Variants in GALNTL6 observed in about 807,000 individuals in gnomAD.
The protein encoded by GALNTL6 is polypeptide N-acetylgalactosaminyltransferase like 6.
GALNTL6 carries 46 observed loss-of-function variants against 73.7 expected under a neutral mutation model. That is an observed-to-expected ratio of 0.62 (90% CI 0.49 to 0.80). The LOEUF is 0.80. Ranked by LOEUF, GALNTL6 falls within the 30% of genes least tolerant of loss-of-function variation. The pLI is 0.00. For synonymous variants in GALNTL6, 259 were observed against 263.7 expected (o/e 0.98, Z 0.17); for missense variants, 604 against 755.0 (o/e 0.80, Z 2.34).
At chr4:171,999,961 T>G (rs960668102) in intron 2 of GALNTL6, among the ~76,000 whole-genome samples, 2 of 152,158 alleles carry the variant, frequency 1.3e-5, no homozygotes, top group Non-Finnish European at 1.5e-5. Context: ...AATATGACAA[T>G]TTGTTTATGG....
rs565646049 is a variant in GALNTL6, at chr4:172,833,950, A to C, written c.923+20227A>C. 2.1e-3 allele frequency among the ~76,000 whole-genome samples: 316 copies of C among 152,308 alleles called. 1 individual carries two copies. Among genetic ancestry groups the C allele is most frequent in the African/African-American group, 7.5e-3 (313 of 41,552 alleles). ...GCCAACATGGTAAAACCCCGTCTCT[A>C]CTAAAAATACAACAAAAATAGCTGA... is the stretch of plus-strand genomic sequence containing the variant. On this transcript the variant is annotated intron_variant, in intron 7 of 12. Transcript: ENST00000506823.
intron 5 of GALNTL6, among the ~76,000 whole-genome samples, chr4:172,665,862 A>C (rs1475246428): frequency 1.3e-5 from 2 of 152,134 alleles, no homozygotes; most frequent in African/African-American, 2.4e-5. Flanking sequence ...TTTATTCCTC[A>C]TCACCATAAA....
At chr4:172,731,375 A>G (rs1251376890) in intron 5 of GALNTL6, among the ~76,000 whole-genome samples, 19 of 151,898 alleles carry the variant, frequency 1.3e-4, no homozygotes. Context: ...GATTCTTTGT[A>G]TTTCTGAGGT....
At chr4:171,922,662 G>A (rs1004841791) in intron 2 of GALNTL6, among the ~76,000 whole-genome samples, 4 of 151,910 alleles carry the variant, frequency 2.6e-5, no homozygotes, top group Non-Finnish European at 4.4e-5. Context: ...GGTAGTTTAA[G>A]GGACTCACTA....
At chr4:172,910,444 T>C (rs558944033) in intron 8 of GALNTL6, among the ~76,000 whole-genome samples, 3 of 152,344 alleles carry the variant, frequency 2.0e-5, no homozygotes, top group African/African-American at 7.2e-5. Context: ...GAATGGGCTG[T>C]GCTATTTCCT....
At chr4:172,972,445 C>T (rs773831152) in intron 10 of GALNTL6, among the ~76,000 whole-genome samples, 4 of 152,160 alleles carry the variant, frequency 2.6e-5, no homozygotes, top group Non-Finnish European at 5.9e-5. Context: ...GAAACAAATA[C>T]CCTACAATCT....
intron 2 of GALNTL6, among the ~76,000 whole-genome samples, chr4:171,857,957 A>G (rs970828611): frequency 6.6e-6 from 1 of 152,194 alleles, no homozygotes; most frequent in Admixed American, 6.5e-5. Flanking sequence ...AACCTGCTCA[A>G]TAATAATCAC....
intron 5 of GALNTL6, among the ~76,000 whole-genome samples, chr4:172,745,473 T>C (rs1368390096): frequency 7.0e-6 from 1 of 142,840 alleles, no homozygotes; most frequent in Non-Finnish European, 1.5e-5. Context: ...ATTAGAAAAA[T>C]AAGCCATAAA....
intron 5 of GALNTL6, among the ~76,000 whole-genome samples, chr4:172,744,194 A>C (rs897681716): frequency 6.6e-6 from 1 of 152,120 alleles, no homozygotes; most frequent in East Asian, 1.9e-4. Context: ...TTAACATTCC[A>C]TTTACCATCT....
Position 172,427,166 on chromosome 4 carries a change from C to T in GALNTL6, c.553+78477C>T, listed in dbSNP as rs376333983. Reference sequence around the variant, plus strand: ...GACAGAAAGGAATTAGTCTGCTTCACGCTGCTCATAAAGACATACCCAAGA... The same window carrying T: ...GACAGAAAGGAATTAGTCTGCTTCATGCTGCTCATAAAGACATACCCAAGA... On this transcript the variant is annotated intron_variant, in intron 5 of 12. Coordinates refer to ENST00000506823, the MANE Select transcript of GALNTL6 (RefSeq NM_001034845.3). Among the ~76,000 whole-genome samples the T allele has an allele frequency of 8.5e-5, 13 of 152,126 alleles. No individual in the cohort carries two copies. In the East Asian group the frequency reaches 2.1e-3, roughly 25 times the overall value.
At chr4:172,652,357 A>G (rs1435774570) in intron 5 of GALNTL6, among the ~76,000 whole-genome samples, 1 of 152,196 alleles carries the variant, frequency 6.6e-6, no homozygotes, top group African/African-American at 2.4e-5. Context: ...AGGATGGAAT[A>G]TTTTACTGAG....
chr4:172,365,695 G>A (rs756866173), intron 5 of GALNTL6, among the ~76,000 whole-genome samples: 1 of 148,620 alleles, frequency 6.7e-6, no homozygotes, highest in Non-Finnish European at 1.5e-5. Flanking sequence ...CAAACCTAAT[G>A]TGGGAAATCT....
At position 172,376,390 on chromosome 4, in the gene GALNTL6, A is replaced by T. The variant is rs543252427; in HGVS notation, c.553+27701A>T. The stretch of plus-strand genomic sequence containing the variant: ...GAGTTCTGCTCATGGCCGCATGGTC[A>T]ACCAACTTGTTGTCGGCACCCCGGA... On this transcript the variant is annotated intron_variant, in intron 5 of 12. Coordinates refer to ENST00000506823, the MANE Select transcript of GALNTL6 (RefSeq NM_001034845.3). Among the ~76,000 whole-genome samples the T allele has an allele frequency of 9.9e-5, 15 of 152,240 alleles. No homozygotes were observed. The East Asian group carries it at 2.9e-3, about 30-fold the overall frequency.
intron 5 of GALNTL6, among the ~76,000 whole-genome samples, chr4:172,718,751 G>T (rs368169355): frequency 2.6e-5 from 4 of 151,752 alleles, no homozygotes; most frequent in African/African-American, 9.7e-5. Flanking sequence ...GTTCAAAATG[G>T]TGCATCAGAA....
intron 2 of GALNTL6, among the ~76,000 whole-genome samples, chr4:171,832,884 C>T (rs577764956): frequency 6.6e-6 from 1 of 151,932 alleles, no homozygotes; most frequent in African/African-American, 2.4e-5. Flanking sequence ...ATTCAATAAG[C>T]TTCCAAGTCC....
intron 2 of GALNTL6, among the ~76,000 whole-genome samples, chr4:172,011,488 T>A (rs981724362): frequency 2.0e-5 from 3 of 152,160 alleles, no homozygotes; most frequent in African/African-American, 7.2e-5. Flanking sequence ...TTGCTTCTTA[T>A]TTCAGTAATC....
chr4:171,866,608 G>A (rs1176736194), intron 2 of GALNTL6, among the ~76,000 whole-genome samples: 1 of 152,158 alleles, frequency 6.6e-6, no homozygotes, highest in Non-Finnish European at 1.5e-5. Context: ...CTGTAACAAA[G>A]TACCATAGAC....
At chr4:171,932,157 T>C (rs1430271907) in intron 2 of GALNTL6, among the ~76,000 whole-genome samples, 1 of 152,142 alleles carries the variant, frequency 6.6e-6, no homozygotes, top group Non-Finnish European at 1.5e-5. Flanking sequence ...AAAATATAGG[T>C]ATAGGTGTGA....
intron 3 of GALNTL6, among the ~76,000 whole-genome samples, chr4:172,261,689 A>G (rs1452069517): frequency 1.3e-5 from 2 of 151,088 alleles, no homozygotes; most frequent in East Asian, 1.9e-4. Context: ...ATATGACCTT[A>G]GATTGTCTAA....
Sources: gnomAD v4.1 joint callset for allele counts (sites outside exome capture counted in the v4.1 genomes callset) on GRCh38, gnomAD v4.1.1 for gene constraint, MANE v1.5 for transcripts, NCBI Gene and HGNC (gene_info 2026-07-23, HGNC 2026-07-21) for gene names.